PIWIL4: variants seen among roughly 807,000 people sequenced by gnomAD.
PIWIL4 encodes the protein piwi-like protein 4.
In PIWIL4, 50 loss-of-function variants were observed where a neutral mutation model predicts 100.9. That is an observed-to-expected ratio of 0.50 (90% CI 0.39 to 0.63). The LOEUF is 0.63. Among genes scored for constraint, PIWIL4 ranks in the 20% least tolerant of loss-of-function variants. PIWIL4 has a pLI of 0.00. For missense variants in PIWIL4, 887 were observed against 1,043.3 expected, an observed-to-expected ratio of 0.85 and a Z score of 2.06; for synonymous variants, 342 against 367.5, an observed-to-expected ratio of 0.93 and a Z score of 0.79.
intron 3 of PIWIL4, 132 bp downstream of exon 3, chr11:94,575,262 A>G: frequency 1.1e-6 from 1 of 908,862 alleles, no homozygotes; most frequent in Non-Finnish European, 1.6e-6. Context: ...TCTATGTTCA[A>G]GGCACTGTTA....
intron 14 of PIWIL4, 165 bp from the exon 15 acceptor site, chr11:94,608,418 A>G: frequency 1.7e-6 from 1 of 584,850 alleles, no homozygotes; most frequent in Non-Finnish European, 3.0e-6. Flanking sequence ...AGTCTCTCTC[A>G]TTTCTGGTTT....
chr11:94,607,558 CATG>C lies in PIWIL4; in HGVS notation c.1766_1768del (p.Met589del). 2 of 1,614,066 alleles carry C rather than the reference CATG, an allele frequency of 1.2e-6. No individual in the cohort carries two copies. The highest frequency in any genetic ancestry group is 2.2e-5 in the East Asian group (1 of 44,874). Reference sequence around the variant, plus strand: ...TTGCTCGGACCTTGAATAAACAGGGCATGATGATGAGTATCGCCACCAAGATCG... The same window carrying C: ...TTGCTCGGACCTTGAATAAACAGGGCATGATGAGTATCGCCACCAAGATCG... On this transcript the variant is annotated inframe_deletion, in exon 14 of 20. Coordinates refer to ENST00000299001, the MANE Select transcript of PIWIL4 (RefSeq NM_152431.3).
At chr11:94,620,813 GA>G in intron 19 of PIWIL4, 62 bp from the exon 20 acceptor site, 1 of 1,314,040 alleles carries the variant, frequency 7.6e-7, no homozygotes, top group Non-Finnish European at 1.1e-6. Flanking sequence ...AGTAAAATCA[GA>G]AAAAATCTCT....
In PIWIL4 at chr11:94,601,940, T is replaced by C. The variant is rs1287596773; in HGVS notation, c.1526T>C (p.Val509Ala). ...AGCTTTCTGAACTGCTTGAGAAGAG[T>C]TGCAGGTTCCATGGGATTTAATGTG... ...AESFLNCLRR[V>A]AGSMGFNVDY... Residue 509 changes from valine (V) to alanine (A), a missense_variant, in exon 12 of 20, where the codon GTT becomes GCT. Coordinates refer to ENST00000299001, the MANE Select transcript of PIWIL4 (RefSeq NM_152431.3). 3.1e-6 allele frequency: 5 copies of C among 1,612,664 alleles called. No homozygotes were observed. The highest frequency in any genetic ancestry group is 4.2e-6 in the Non-Finnish European group (5 of 1,179,786).
In PIWIL4 at chr11:94,593,502, A is replaced by C. The variant is rs1026616871; in HGVS notation, c.1027-16A>C. The stretch of plus-strand genomic sequence containing the variant: ...TTCCATGTTAACTTTTTACTTATTA[A>C]TCTTGCATTTTATAGCAGTATGATA... On this transcript the variant is annotated splice_polypyrimidine_tract_variant and intron_variant, in intron 8 of 19. Coordinates refer to ENST00000299001, the MANE Select transcript of PIWIL4 (RefSeq NM_152431.3). The C allele has an allele frequency of 8.1e-6, 13 of 1,609,994 alleles. No individual in the cohort carries two copies. Among genetic ancestry groups the C allele is most frequent in the South Asian group, 1.1e-5 (1 of 90,836 alleles).
intron 17 of PIWIL4, among the ~76,000 whole-genome samples, chr11:94,618,551 G>C (rs996577080): frequency 2.0e-5 from 3 of 152,164 alleles, no homozygotes; most frequent in Non-Finnish European, 4.4e-5. Flanking sequence ...GTTCTCAAAG[G>C]GTTTGAGTGC....
At chr11:94,585,901 A>G (rs1400052012) in intron 6 of PIWIL4, among the ~76,000 whole-genome samples, 2 of 152,196 alleles carry the variant, frequency 1.3e-5, no homozygotes, top group African/African-American at 4.8e-5. Context: ...GAAGCCAACC[A>G]AATAACTCTG....
In PIWIL4 at chr11:94,593,596, G is replaced by T. The variant is rs757188432; in HGVS notation, c.1105G>T (p.Glu369Ter). The T allele has an allele frequency of 1.1e-5, 17 of 1,614,068 alleles. No homozygotes were observed. In the South Asian group the frequency reaches 1.8e-4, roughly 17 times the overall value. Residue 369 changes from glutamate (E) to a stop codon, truncating the protein, a stop_gained, in exon 9 of 20, where the codon GAG becomes TAG. Coordinates refer to ENST00000299001, the MANE Select transcript of PIWIL4 (RefSeq NM_152431.3). LOFTEE classifies it high-confidence loss of function. ...AAAGAAGAAGAGAAATGACAACAGT[G>T]AGGCTCAGCTCGCCCACCTGATACC... ...LLKKKRNDNSEAQLAHLIPEL... is the reference protein window; with the variant it reads ...LLKKKRNDNS
Position 94,620,059 on chromosome 11 carries a change from A to G in PIWIL4, c.2357A>G (p.Asn786Ser), listed in dbSNP as rs1032891459. ...CRGTVSPTYY[N>S]VIYDDNGLKP... ...GGAACTGTTAGTCCTACCTACTATA[A>G]TGTCATCTATGATGACAACGGCTTG... The change falls in exon 19 of 20, where the codon AAT (asparagine) becomes AGT (serine). Residue 786 changes from asparagine to serine, a missense_variant. Asn to Ser is a conservative substitution (Grantham distance 46). Around this residue, in one of 2 missense-constraint regions of PIWIL4, gnomAD observed 741 missense variants for 930.0 expected, o/e 0.80. Coordinates refer to ENST00000299001, the MANE Select transcript of PIWIL4 (RefSeq NM_152431.3). 1 of 1,613,794 alleles carries G rather than the reference A, an allele frequency of 6.2e-7. No homozygotes were observed. The highest frequency in any genetic ancestry group is 2.2e-5 in the East Asian group (1 of 44,874).
intron 3 of PIWIL4, among the ~76,000 whole-genome samples, chr11:94,576,494 A>G (rs946812067): frequency 2.0e-5 from 3 of 152,210 alleles, no homozygotes; most frequent in African/African-American, 4.8e-5. Context: ...GGAAGTGAGA[A>G]GAACCTCCTT....
chr11:94,583,357 A>G (rs1168965052), intron 4 of PIWIL4, 91 bp from the exon 5 acceptor site: 1 of 1,435,160 alleles, frequency 7.0e-7, no homozygotes, highest in Non-Finnish European at 9.6e-7. Flanking sequence ...GTTTTTGTTA[A>G]TGCATATTAC....
chr11:94,598,555 C>T (rs546928721), intron 11 of PIWIL4, among the ~76,000 whole-genome samples: 2 of 152,208 alleles, frequency 1.3e-5, no homozygotes, highest in African/African-American at 2.4e-5. Flanking sequence ...TCCCCTCCCC[C>T]TCCGTTTTGC....
chr11:94,591,235 C>G (rs549704839), intron 8 of PIWIL4, among the ~76,000 whole-genome samples: 1 of 152,254 alleles, frequency 6.6e-6, no homozygotes, highest in African/African-American at 2.4e-5. Flanking sequence ...ATCACCCCAT[C>G]CACTCACTGG....
intron 9 of PIWIL4, 47 bp downstream of exon 9, chr11:94,593,688 C>T: frequency 6.3e-7 from 1 of 1,596,764 alleles, no homozygotes; most frequent in Non-Finnish European, 8.6e-7. Flanking sequence ...GATACAGGCC[C>T]CTGATGCTTG....
At chr11:94,597,256 C>T (rs951595051) in intron 10 of PIWIL4, among the ~76,000 whole-genome samples, 19 of 152,278 alleles carry the variant, frequency 1.2e-4, no homozygotes, top group African/African-American at 3.9e-4. Context: ...CATCCTTCTT[C>T]GACTCTCAAC....
intron 17 of PIWIL4, among the ~76,000 whole-genome samples, chr11:94,619,556 T>G (rs1948883642): frequency 6.6e-6 from 1 of 152,202 alleles, no homozygotes; most frequent in African/African-American, 2.4e-5. Context: ...GATAGCATCC[T>G]TTTGCAACAA....
intron 15 of PIWIL4, among the ~76,000 whole-genome samples, chr11:94,614,300 C>CTT (rs57731239): frequency 0.14 from 16,975 of 119,946 alleles, 1,166 homozygotes; most frequent in South Asian, 0.18. Context: ...TTTTTCTTTT[C>CTT]TTTTTTTTTT....
intron 9 of PIWIL4, 84 bp downstream of exon 9, chr11:94,593,725 C>A (rs1420818947): frequency 1.4e-6 from 2 of 1,450,428 alleles, no homozygotes; most frequent in Admixed American, 2.1e-5. Flanking sequence ...CTTTAAGTTA[C>A]ATGAATGCCA....
At chr11:94,569,681 G>A (rs923041266) in intron 2 of PIWIL4, among the ~76,000 whole-genome samples, 9 of 151,882 alleles carry the variant, frequency 5.9e-5, no homozygotes, top group African/African-American at 1.4e-4. Context: ...CCCGGGCGGC[G>A]GCCATTATCT....
Sources: gnomAD v4.1 joint callset for allele counts (sites outside exome capture counted in the v4.1 genomes callset) on GRCh38, gnomAD v4.1.1 for gene constraint, gnomAD v4.1.1 regional missense constraint, MANE v1.5 for transcripts, NCBI Gene and HGNC (gene_info 2026-07-23, HGNC 2026-07-21) for gene names.